The following HIRA variants were observed in gnomAD, a reference collection of about 807,000 sequenced individuals.
The protein encoded by HIRA is protein HIRA.
Under a neutral mutation model 126.6 loss-of-function variants are expected in HIRA, and 13 were observed. The observed-to-expected ratio is 0.10, with a 90% CI of 0.07 to 0.16. The LOEUF (loss-of-function observed/expected upper bound fraction) is 0.16. Among genes scored for constraint, HIRA ranks in the 10% least tolerant of loss-of-function variants. The pLI, the probability that HIRA is intolerant of heterozygous loss-of-function variation, is 1.00. For synonymous variants in HIRA, 511 were observed against 520.0 expected (o/e 0.98, Z 0.24); for missense variants, 834 against 1,314.4 (o/e 0.63, Z 5.65).
rs145271428 is a variant in HIRA, at chr22:19,382,919, G to A, written c.1415+701C>T. The stretch of plus-strand genomic sequence containing the variant: ...GTCCCCCACAGGGAAATATGTTTGG[G>A]AGCCCTACTCTCTGCCCAGTAATTC... On this transcript the variant is annotated intron_variant, in intron 13 of 24. Transcript: ENST00000263208. 4.3e-3 allele frequency among the ~76,000 whole-genome samples: 658 copies of A among 152,238 alleles called. 2 individuals carry two copies. The highest frequency in any genetic ancestry group is 7.3e-3 in the Non-Finnish European group (498 of 68,010).
Position 19,351,035 on chromosome 22 carries a change from C to G in HIRA, c.2937+323G>C. ...ACTGCCTCCCTGTTTATGTGTGCAT[C>G]CCTACCAGACCGAGCTCCACGAAGG... On this transcript the variant is annotated intron_variant, in intron 24 of 24. Coordinates refer to ENST00000263208, the MANE Select transcript of HIRA (RefSeq NM_003325.4). This position sits in a 1 kb window ranked among gnomAD's most constrained non-coding sequence, Gnocchi z 4.8. 2 of 653,200 alleles carry G rather than the reference C, an allele frequency of 3.1e-6. No homozygotes were observed. Among genetic ancestry groups the G allele is most frequent in the Non-Finnish European group, 3.8e-6 (2 of 526,604 alleles). 40.5% of individuals were successfully genotyped at this position (653,200 alleles called of 1,614,324 possible). A position where few individuals can be genotyped will look rare whatever the true frequency, so the allele number is the denominator to read the frequency against.
At chr22:19,378,715 C>T in intron 13 of HIRA, among the ~76,000 whole-genome samples, 1 of 152,248 alleles carries the variant, frequency 6.6e-6, no homozygotes, top group East Asian at 1.9e-4. Flanking sequence ...GTGTAGGACA[C>T]TCTTAGAACA....
intron 16 of HIRA, 108 bp from the exon 17 acceptor site, chr22:19,361,449 C>T (rs2088863138): frequency 2.1e-6 from 2 of 948,786 alleles, no homozygotes; most frequent in Non-Finnish European, 3.3e-6. Flanking sequence ...AGAGCATTTC[C>T]ACCCTGGGAG....
intron 15 of HIRA, among the ~76,000 whole-genome samples, chr22:19,368,002 C>T (rs1447947008): frequency 6.6e-6 from 1 of 152,134 alleles, no homozygotes; most frequent in Non-Finnish European, 1.5e-5. Flanking sequence ...TGTTAAACAT[C>T]TCTAAATATG....
At chr22:19,361,994 G>C in intron 15 of HIRA, 63 bp from the exon 16 acceptor site, 1 of 1,529,862 alleles carries the variant, frequency 6.5e-7, no homozygotes, top group Non-Finnish European at 9.0e-7. Context: ...AGAGTGAAGT[G>C]AAATATTTAA....
intron 1 of HIRA, among the ~76,000 whole-genome samples, chr22:19,413,265 G>A (rs1442736955): frequency 6.6e-6 from 1 of 152,158 alleles, no homozygotes; most frequent in Non-Finnish European, 1.5e-5. Context: ...AATGGGGGTG[G>A]GGGCCTCAAG....
chr22:19,379,659 T>C, intron 13 of HIRA, among the ~76,000 whole-genome samples: 1 of 138,500 alleles, frequency 7.2e-6, no homozygotes, highest in South Asian at 2.3e-4. Context: ...ACTTGATTTC[T>C]TTTTTTTTTT....
chr22:19,345,253 C>CT (rs1386981357), intron 24 of HIRA, among the ~76,000 whole-genome samples: 2 of 152,330 alleles, frequency 1.3e-5, no homozygotes, highest in South Asian at 2.1e-4. Context: ...CAGCGAAAAA[C>CT]TACTATAAAC....
At chr22:19,361,141 T>C (rs2088859474) in intron 17 of HIRA, 96 bp downstream of exon 17, 2 of 959,978 alleles carry the variant, frequency 2.1e-6, no homozygotes, top group Admixed American at 2.0e-5. Flanking sequence ...TGGAAACCAA[T>C]CTCCAAGGAA....
At chr22:19,377,612 T>C (rs2089031115) in intron 14 of HIRA, among the ~76,000 whole-genome samples, 1 of 152,160 alleles carries the variant, frequency 6.6e-6, no homozygotes, top group Non-Finnish European at 1.5e-5. Flanking sequence ...ATTTCACTGG[T>C]AGTTCCCACC....
At position 19,413,832 on chromosome 22, in the gene HIRA, G is replaced by A. The variant is rs149660646; in HGVS notation, c.38-3054C>T. Among the ~76,000 whole-genome samples, 180 of 152,004 alleles carry A rather than the reference G, an allele frequency of 1.2e-3. 3 individuals are homozygous for A. In the East Asian group the frequency reaches 0.032, roughly 27 times the overall value. ...TCACCATGTTAGCCAGGATGGTCTC[G>A]ATCTCCTGACCTCATGATCCGACCA... On this transcript the variant is annotated intron_variant, in intron 1 of 24. Coordinates refer to ENST00000263208, the MANE Select transcript of HIRA (RefSeq NM_003325.4).
chr22:19,430,597 T>G lies in HIRA; in HGVS notation c.37+843A>C, dbSNP rs184025300. Among the ~76,000 whole-genome samples, 734 of 137,852 alleles carry G rather than the reference T, an allele frequency of 5.3e-3. 24 individuals are homozygous for G. The highest frequency in any genetic ancestry group is 0.052 in the Admixed American group (646 of 12,370). 90.4% of individuals were successfully genotyped at this position (137,852 alleles called of 152,430 possible). On this transcript the variant is annotated intron_variant, in intron 1 of 24. Transcript: ENST00000263208. ...AGGCCCTGGGCTGGAGGAGTCTCCC[T>G]GGGTTGATTTCTGTGCTACAGTGCT...
At chr22:19,356,600 T>G (rs1174246152) in intron 19 of HIRA, among the ~76,000 whole-genome samples, 1 of 152,194 alleles carries the variant, frequency 6.6e-6, no homozygotes, top group Non-Finnish European at 1.5e-5. Context: ...AGACTCCATT[T>G]CTGATGAATC....
chr22:19,331,011 A>C lies in HIRA; in HGVS notation c.*429T>G, dbSNP rs782676508. ...TGTGTTGGAACAGCTTTCCTTTTAC[A>C]TAGGTCTTAGGTCAGTCTGCTGTAA... On this transcript the variant is annotated 3_prime_UTR_variant, in exon 25 of 25. Transcript: ENST00000263208. The C allele has an allele frequency of 3.6e-4, 169 of 465,684 alleles. No individual in the cohort carries two copies. Among genetic ancestry groups the C allele is most frequent in the Non-Finnish European group, 4.9e-4 (152 of 308,448 alleles). The allele number at this position is 465,684 out of a possible 1,614,324, so 28.8% of individuals were successfully genotyped here.
At chr22:19,419,300 T>C (rs1346632402) in intron 1 of HIRA, among the ~76,000 whole-genome samples, 1 of 152,136 alleles carries the variant, frequency 6.6e-6, no homozygotes, top group Non-Finnish European at 1.5e-5. Flanking sequence ...CCTTGCACAA[T>C]GGCCACCCCG....
chr22:19,362,698 T>C (rs149305136), intron 15 of HIRA, among the ~76,000 whole-genome samples: 3,042 of 151,844 alleles, frequency 0.02, 112 homozygotes, highest in African/African-American at 0.069. Flanking sequence ...GTAGCTGGGA[T>C]TACAGGTGTG....
Position 19,387,748 on chromosome 22 carries a change from T to A in HIRA, c.1076A>T (p.Gln359Leu). The change falls in exon 11 of 25, where the codon CAG becomes CTG. Residue 359 changes from glutamine (Q) to leucine (L), a missense_variant. Gln to Leu is a moderately radical substitution (Grantham distance 113). This residue lies in a region of HIRA where 153 missense variants were observed against 270.6 expected (regional missense o/e 0.57). Coordinates refer to ENST00000263208, the MANE Select transcript of HIRA (RefSeq NM_003325.4). ...GCTCAGGGGATCGCCAAGCTCATCC[T>A]GGGAGAAGTCGAGGAATGCCACAGA... ...DGSVAFLDFS[Q>L]DELGDPLSEE... 6.2e-7 allele frequency: 1 copy of A among 1,613,988 alleles called. No individual in the cohort carries two copies.
chr22:19,333,830 A>G (rs1301310710), intron 24 of HIRA, among the ~76,000 whole-genome samples: 1 of 152,020 alleles, frequency 6.6e-6, no homozygotes, highest in Non-Finnish European at 1.5e-5. Flanking sequence ...CCTGTTTTCA[A>G]GTTTGCTGAT....
chr22:19,379,965 C>A (rs554927971), intron 13 of HIRA, among the ~76,000 whole-genome samples: 1 of 152,106 alleles, frequency 6.6e-6, no homozygotes, highest in East Asian at 1.9e-4. Flanking sequence ...CGTGCCACCA[C>A]GCCCAGCTAA....
Sources: allele counts gnomAD v4.1 joint callset (sites outside exome capture counted in the v4.1 genomes callset), GRCh38; gene constraint gnomAD v4.1.1; regional missense constraint gnomAD v4.1.1; non-coding constraint Gnocchi (gnomAD v3.1); transcripts MANE v1.5; gene names NCBI Gene and HGNC (gene_info 2026-07-23, HGNC 2026-07-21).